PSD: variants seen among roughly 807,000 people sequenced by gnomAD.
PSD encodes PH and SEC7 domain-containing protein 1.
Under a neutral mutation model 91.6 loss-of-function variants are expected in PSD, and 32 were observed. That is an observed-to-expected ratio of 0.35 (90% confidence interval 0.26 to 0.47). PSD has a LOEUF of 0.47. Ranked by LOEUF, PSD falls within the 20% of genes least tolerant of loss-of-function variation. The probability of loss-of-function intolerance (pLI) is 1.00; values close to 1 mark genes in which losing one functional copy is unlikely to be tolerated. For missense variants in PSD, 1,099 were observed against 1,373.9 expected (o/e 0.80, Z 3.16); for synonymous variants, 532 against 569.3 (o/e 0.93, Z 0.93).
chr10:102,411,849 G>C (rs377495674), intron 7 of PSD, 30 bp from the exon 8 acceptor site: 1 of 1,524,066 alleles, frequency 6.6e-7, no homozygotes, highest in South Asian at 1.1e-5. Context: ...GGGTTGCCTA[G>C]CAACCAGGAG....
chr10:102,413,864 C>G lies in PSD; in HGVS notation c.1458G>C (p.Glu486Asp), dbSNP rs369189763. 1 of 1,613,658 alleles carries G rather than the reference C, an allele frequency of 6.2e-7. No individual in the cohort carries two copies. The highest frequency in any genetic ancestry group is 1.7e-5 in the Admixed American group (1 of 60,006). Residue 486 changes from glutamate (E) to aspartate (D), a missense_variant, in exon 5 of 17, where the codon GAG (glutamate) becomes GAC (aspartate). Around this residue, in one of 3 missense-constraint regions of PSD, gnomAD observed 631 missense variants for 728.8 expected, o/e 0.87. Transcript: ENST00000020673. ...GGGCCAGCTTGGCTCTGGCCTCTGC[C>G]TCCTCCTCCTCCCCTCTCTGTGTCC... ...GPWTQRGEEE[E>D]AEARAKLAPG...
At chr10:102,408,106 C>A (rs908530417) in intron 10 of PSD, among the ~76,000 whole-genome samples, 1 of 152,182 alleles carries the variant, frequency 6.6e-6, no homozygotes, top group Non-Finnish European at 1.5e-5. Flanking sequence ...TATGGGTCCA[C>A]GCCAGCACCT....
Position 102,409,819 on chromosome 10 carries a change from A to G in PSD, c.2091+1039T>C, listed in dbSNP as rs2061406598. 6.6e-6 allele frequency among the ~76,000 whole-genome samples: 1 copy of G among 152,122 alleles called. No individual in the cohort carries two copies. The highest frequency in any genetic ancestry group is 1.5e-5 in the Non-Finnish European group (1 of 68,016). ...GCTCACAAAGATACACCCCCTACTC[A>G]GAGGCATATGGCATACCTCAGACAC... On this transcript the variant is annotated intron_variant, in intron 10 of 16. Transcript: ENST00000020673. The surrounding 1 kb of genome is among the most constrained non-coding windows in gnomAD (Gnocchi z 5.7).
Position 102,404,860 on chromosome 10 carries a change from G to T in PSD, c.2555+38C>A. 1 of 1,604,670 alleles carries T rather than the reference G, an allele frequency of 6.2e-7. No homozygotes were observed. ...GGGAGGGGAGCAGGATGGGAGGTGGGGGAAGGGGTCCGGGATGGGCAGGAG... is the reference window on the plus strand; with the variant it reads ...GGGAGGGGAGCAGGATGGGAGGTGGTGGAAGGGGTCCGGGATGGGCAGGAG... On this transcript the variant is annotated intron_variant, in intron 14 of 16. Coordinates refer to ENST00000020673, the MANE Select transcript of PSD (RefSeq NM_002779.5). The surrounding 1 kb of genome is among the most constrained non-coding windows in gnomAD (Gnocchi z 5.7).
rs747134920 is a variant in PSD at position 102,405,004 on chromosome 10, T to C, written c.2449A>G (p.Ile817Val). Reference protein sequence around the residue: ...ALSETELKNAISIHHALATRA... With the variant: ...ALSETELKNAVSIHHALATRA... ...GTGGCCAGGGCATGGTGGATGCTGATGGCATTCTTGAGCTCCGTCTCTGAA... is the reference window on the plus strand; with the variant it reads ...GTGGCCAGGGCATGGTGGATGCTGACGGCATTCTTGAGCTCCGTCTCTGAA... The change falls in exon 14 of 17, where the codon ATC (isoleucine) becomes GTC (valine). Residue 817 changes from isoleucine to valine, a missense_variant. Physicochemically the swap from Ile to Val is conservative, Grantham distance 29. Around this residue, in one of 3 missense-constraint regions of PSD, gnomAD observed 358 missense variants for 426.5 expected, o/e 0.84. Transcript: ENST00000020673. The surrounding 1 kb of genome is among the most constrained non-coding windows in gnomAD (Gnocchi z 5.4). 6.2e-7 allele frequency: 1 copy of C among 1,614,066 alleles called. No individual in the cohort carries two copies. Among genetic ancestry groups the C allele is most frequent in the South Asian group, 1.1e-5 (1 of 91,082 alleles).
rs2061485590 is a variant in PSD at position 102,416,689 on chromosome 10, A to G, written c.350T>C (p.Leu117Pro). The G allele has an allele frequency of 2.1e-5, 34 of 1,607,974 alleles. No homozygotes were observed. Among genetic ancestry groups the G allele is most frequent in the Non-Finnish European group, 2.8e-5 (33 of 1,177,432 alleles). Residue 117 changes from leucine (L) to proline (P), a missense_variant, in exon 2 of 17, where the codon CTA becomes CCA. Leu to Pro is a moderately conservative substitution (Grantham distance 98). Coordinates refer to ENST00000020673, the MANE Select transcript of PSD (RefSeq NM_002779.5). This position sits in a 1 kb window ranked among gnomAD's most constrained non-coding sequence, Gnocchi z 6.0. ...EKASVRPLNG[L>P]PAPGGLSRSW... is the part of the protein sequence containing the mutation. ...CCGACTCAAGCCCCCTGGAGCAGGT[A>G]GCCCATTCAGTGGCCTCACACTGGC...
rs1300581489 is a variant in PSD at position 102,403,217 on chromosome 10, C to T, written c.3058G>A (p.Gly1020Arg). 2.5e-6 allele frequency: 4 copies of T among 1,575,420 alleles called. No homozygotes were observed. Among genetic ancestry groups the T allele is most frequent in the Non-Finnish European group, 3.5e-6 (4 of 1,157,136 alleles). ...ACCTCATCTCAGGGCTTCCGCCGCC[C>T]ACTGCCTGCCCCTGGCCGAGGCTCT... Reference protein sequence around the residue: ...SSEPRPGAGSGRRKP With the variant: ...SSEPRPGAGSRRRKP Residue 1020 changes from glycine to arginine, a missense_variant, in exon 17 of 17, where the codon GGG (glycine) becomes AGG (arginine). Physicochemically the swap from Gly to Arg is moderately radical, Grantham distance 125. Coordinates refer to ENST00000020673, the MANE Select transcript of PSD (RefSeq NM_002779.5). The surrounding 1 kb of genome is among the most constrained non-coding windows in gnomAD (Gnocchi z 6.7).
rs1046878452 is a variant in PSD, at chr10:102,414,924, C to T, written c.1063G>A (p.Asp355Asn). Residue 355 changes from aspartate to asparagine, a missense_variant, in exon 4 of 17, where the codon GAT becomes AAT. This residue lies in a region of PSD where 631 missense variants were observed against 728.8 expected (regional missense o/e 0.87). Transcript: ENST00000020673. This position sits in a 1 kb window ranked among gnomAD's most constrained non-coding sequence, Gnocchi z 5.6. ...LGSGNEDEDD[D>N]EAGGEEDVDD... ...ACATCTTCTTCCCCACCTGCCTCAT[C>T]GTCGTCCTCATCCTCATTGCCACTG... 2.0e-6 allele frequency: 3 copies of T among 1,526,684 alleles called. No homozygotes were observed. Among genetic ancestry groups the T allele is most frequent in the Non-Finnish European group, 2.6e-6 (3 of 1,132,344 alleles). The allele number at this position is 1,526,684 out of a possible 1,614,324, so 94.6% of individuals were successfully genotyped here.
intron 10 of PSD, chr10:102,408,999 C>T: frequency 1.0e-6 from 1 of 987,296 alleles, no homozygotes; most frequent in Non-Finnish European, 1.2e-6. Context: ...CACAGGGTCT[C>T]CGCGCCGCGG....
intron 6 of PSD, 24 bp from the exon 7 acceptor site, chr10:102,412,251 G>T (rs781359573): frequency 1.2e-6 from 2 of 1,613,078 alleles, no homozygotes; most frequent in Non-Finnish European, 1.7e-6. Flanking sequence ...AGAGAGACAG[G>T]TAGGGTCTCA....
Position 102,405,703 on chromosome 10 carries a change from T to C in PSD, c.2136-167A>G. On this transcript the variant is annotated intron_variant, in intron 11 of 16. Transcript: ENST00000020673. The surrounding 1 kb of genome is among the most constrained non-coding windows in gnomAD (Gnocchi z 5.4). ...TCTCAGATCAGGCCTCCACAATGTG[T>C]AGCTGTGCCTCCTCAGAGCAGGGCA... The C allele has an allele frequency of 1.6e-6, 1 of 642,956 alleles. No homozygotes were observed. The highest frequency in any genetic ancestry group is 2.0e-5 in the South Asian group (1 of 51,100). 39.8% of individuals were successfully genotyped at this position (642,956 alleles called of 1,614,324 possible).
chr10:102,418,495 C>T (rs1414196952), intron 1 of PSD, among the ~76,000 whole-genome samples: 2 of 152,110 alleles, frequency 1.3e-5, no homozygotes, highest in Admixed American at 1.3e-4. Flanking sequence ...AATCTGCACC[C>T]ATATTCCTCT....
In PSD at chr10:102,405,925, A is replaced by G. The variant is rs1018193336; in HGVS notation, c.2136-389T>C. ...CACGGTTTGTGGGCTAAATGGTAGC[A>G]GATGGAAGAAGTAGTTTCCTAGTGC... On this transcript the variant is annotated intron_variant, in intron 11 of 16. Transcript: ENST00000020673. This position sits in a 1 kb window ranked among gnomAD's most constrained non-coding sequence, Gnocchi z 5.4. 1 of 197,918 alleles carries G rather than the reference A, an allele frequency of 5.1e-6. No individual in the cohort carries two copies. The highest frequency in any genetic ancestry group is 5.3e-5 in the Admixed American group (1 of 18,744). 12.3% of individuals were successfully genotyped at this position (197,918 alleles called of 1,614,324 possible). A position where few individuals can be genotyped will look rare whatever the true frequency, so the allele number is the denominator to read the frequency against.
chr10:102,416,400 A>C lies in PSD; in HGVS notation c.639T>G (p.Thr213=). Residue 213 remains threonine (T), a synonymous_variant, in exon 2 of 17, where the codon ACT becomes ACG. Coordinates refer to ENST00000020673, the MANE Select transcript of PSD (RefSeq NM_002779.5). The surrounding 1 kb of genome is among the most constrained non-coding windows in gnomAD (Gnocchi z 6.0). ...LATLFGGPAD[T]GFLNQGDTWS... Reference sequence around the variant, plus strand: ...AGTTGCATACCTGGTTCAGGAATCCAGTGTCAGCAGGTCCTCCGAAGAGTG... The same window carrying C: ...AGTTGCATACCTGGTTCAGGAATCCCGTGTCAGCAGGTCCTCCGAAGAGTG... 2 of 1,602,730 alleles carry C rather than the reference A, an allele frequency of 1.2e-6. No individual in the cohort carries two copies. Among genetic ancestry groups the C allele is most frequent in the South Asian group, 2.2e-5 (2 of 88,994 alleles).
chr10:102,418,825 C>T (rs1042279606), upstream of PSD: 2 of 416,158 alleles, frequency 4.8e-6, no homozygotes, highest in South Asian at 1.7e-5. Context: ...CCCCCTACCC[C>T]CTACGCGCCG....
In PSD at chr10:102,405,811, G is replaced by A; in HGVS notation, c.2136-275C>T. ...GGCCAGCACTATCCTCTCCATTGCT[G>A]CACACCTGCAGCCCTCACACCCTTC... On this transcript the variant is annotated intron_variant, in intron 11 of 16. Transcript: ENST00000020673. This position sits in a 1 kb window ranked among gnomAD's most constrained non-coding sequence, Gnocchi z 5.4. The A allele has an allele frequency of 2.4e-6, 1 of 413,030 alleles. No individual in the cohort carries two copies. Among genetic ancestry groups the A allele is most frequent in the Non-Finnish European group, 4.4e-6 (1 of 227,106 alleles). The allele number at this position is 413,030 out of a possible 1,614,324, so 25.6% of individuals were successfully genotyped here.
Position 102,405,713 on chromosome 10 carries a change from TCCTCAGAGCAGGGCACCTC to T in PSD, c.2136-196_2136-178del. 3.2e-6 allele frequency: 2 copies of T among 627,618 alleles called. No individual in the cohort carries two copies. Among genetic ancestry groups the T allele is most frequent in the Non-Finnish European group, 5.5e-6 (2 of 363,846 alleles). 38.9% of individuals were successfully genotyped at this position (627,618 alleles called of 1,614,324 possible). A position where few individuals can be genotyped will look rare whatever the true frequency, so the allele number is the denominator to read the frequency against. On this transcript the variant is annotated intron_variant, in intron 11 of 16. Coordinates refer to ENST00000020673, the MANE Select transcript of PSD (RefSeq NM_002779.5). The surrounding 1 kb of genome is among the most constrained non-coding windows in gnomAD (Gnocchi z 5.4). The stretch of plus-strand genomic sequence containing the variant: ...GGCCTCCACAATGTGTAGCTGTGCC[TCCTCAGAGCAGGGCACCTC>T]CCTCAGAGCTCCCCAGCCTAGAGCC...
At chr10:102,419,791 G>C (rs2061536031), upstream of PSD, 1 of 166,362 alleles carries the variant, frequency 6.0e-6, no homozygotes, top group African/African-American at 2.4e-5. The surrounding 1 kb of genome is among the most constrained non-coding windows in gnomAD (Gnocchi z 4.8). Flanking sequence ...GCGCGCTCAC[G>C]TGGCTCTATC....
At chr10:102,408,453 A>G (rs2061386803) in intron 10 of PSD, among the ~76,000 whole-genome samples, 2 of 151,812 alleles carry the variant, frequency 1.3e-5, no homozygotes, top group South Asian at 4.2e-4. Flanking sequence ...GCAAATCAAC[A>G]CATAGACCTT....
Sources: gnomAD v4.1 joint callset for allele counts (sites outside exome capture counted in the v4.1 genomes callset) on GRCh38, gnomAD v4.1.1 for gene constraint, gnomAD v4.1.1 regional missense constraint, Gnocchi (gnomAD v3.1) non-coding constraint, MANE v1.5 for transcripts, NCBI Gene and HGNC (gene_info 2026-07-23, HGNC 2026-07-21) for gene names.